SBF2: variants seen among roughly 807,000 people sequenced by gnomAD.
SBF2 encodes the protein SET binding factor 2.
Under a neutral mutation model 225.2 loss-of-function variants are expected in SBF2, and 112 were observed. The ratio of observed to expected loss-of-function variants is 0.50; its 90% CI spans 0.43 to 0.58. The LOEUF is 0.58. Ranked by LOEUF, SBF2 falls within the 20% of genes least tolerant of loss-of-function variation. The pLI is 0.00. For synonymous variants in SBF2, 763 were observed against 773.3 expected, an observed-to-expected ratio of 0.99 and a Z score of 0.22; for missense variants, 1,996 against 2,206.2, an observed-to-expected ratio of 0.90 and a Z score of 1.91.
intron 32 of SBF2, among the ~76,000 whole-genome samples, chr11:9,799,441 AAAAC>A (rs1257515181): frequency 2.0e-5 from 3 of 152,212 alleles, no homozygotes; most frequent in African/African-American, 7.2e-5. Context: ...CTGGGGTTGA[AAAAC>A]AAACCTCCCC....
At chr11:10,298,006 T>C (rs1209887265), upstream of SBF2, among the ~76,000 whole-genome samples, 1 of 152,262 alleles carries the variant, frequency 6.6e-6, no homozygotes, top group Non-Finnish European at 1.5e-5. Context: ...CCAGATTTGT[T>C]TTCCTGAAGG....
intron 2 of SBF2, among the ~76,000 whole-genome samples, chr11:10,130,915 G>A (rs1260349254): frequency 6.6e-6 from 1 of 151,894 alleles, no homozygotes; most frequent in Non-Finnish European, 1.5e-5. Flanking sequence ...TAGTATAGAT[G>A]TACCACAGTT....
chr11:9,862,244 A>G (rs1857812645), intron 17 of SBF2, among the ~76,000 whole-genome samples: 1 of 152,220 alleles, frequency 6.6e-6, no homozygotes, highest in Non-Finnish European at 1.5e-5. Flanking sequence ...GTCAACCACA[A>G]GCAGGGAGCA....
intron 2 of SBF2, among the ~76,000 whole-genome samples, chr11:10,058,232 G>A (rs891616470): frequency 1.4e-4 from 22 of 152,142 alleles, no homozygotes; most frequent in African/African-American, 5.1e-4. Flanking sequence ...GATTCAGGAG[G>A]ATGGCAAAAC....
In SBF2 at chr11:9,839,270, A is replaced by G. The variant is rs945593978; in HGVS notation, c.3455+228T>C. 3 of 542,092 alleles carry G rather than the reference A, an allele frequency of 5.5e-6. No homozygotes were observed. The Admixed American group carries it at 9.3e-5, about 17-fold the overall frequency. The allele number at this position is 542,092 out of a possible 1,614,324, so 33.6% of individuals were successfully genotyped here. A position where few individuals can be genotyped will look rare whatever the true frequency, so the allele number is the denominator to read the frequency against. On this transcript the variant is annotated intron_variant, in intron 26 of 39. Coordinates refer to ENST00000256190, the MANE Select transcript of SBF2 (RefSeq NM_030962.4). ...GGGAAGAGAAAGACAAGAGAAATTC[A>G]TAGGGGGTGAGTACTTTACCTTTCA...
intron 17 of SBF2, among the ~76,000 whole-genome samples, chr11:9,871,668 T>C (rs984467809): frequency 2.3e-4 from 35 of 151,964 alleles, no homozygotes; most frequent in African/African-American, 8.5e-4. Context: ...ATTTATTGTA[T>C]TTTTAGTTGA....
intron 2 of SBF2, among the ~76,000 whole-genome samples, chr11:10,047,328 A>G (rs1356043980): frequency 6.6e-6 from 1 of 152,170 alleles, no homozygotes; most frequent in Admixed American, 6.5e-5. Context: ...AATATTGGAG[A>G]AAAACAGCTG....
chr11:9,998,535 C>T (rs1450350917), intron 8 of SBF2, among the ~76,000 whole-genome samples, 156 bp from the exon 9 acceptor site: 2 of 152,200 alleles, frequency 1.3e-5, no homozygotes, highest in African/African-American at 4.8e-5. Context: ...CAAGTTCCCA[C>T]CTACCCTGTA....
chr11:10,131,892 A>G (rs1954077529), intron 2 of SBF2, among the ~76,000 whole-genome samples: 2 of 152,128 alleles, frequency 1.3e-5, no homozygotes, highest in African/African-American at 4.8e-5. Context: ...TTTTTTATAG[A>G]TCATGTTTCT....
intron 1 of SBF2, among the ~76,000 whole-genome samples, chr11:10,278,336 A>G (rs1381613745): frequency 1.3e-5 from 2 of 152,224 alleles, no homozygotes; most frequent in African/African-American, 4.8e-5. Flanking sequence ...TCGCAATGTA[A>G]ATTATGGTAA....
chr11:9,829,739 A>G, intron 27 of SBF2: 1 of 462,632 alleles, frequency 2.2e-6, no homozygotes, highest in Non-Finnish European at 4.0e-6. Flanking sequence ...GCTTCCAGAA[A>G]GAGCCCAGGT....
At chr11:10,259,060 T>C (rs1479259169) in intron 1 of SBF2, among the ~76,000 whole-genome samples, 3 of 152,196 alleles carry the variant, frequency 2.0e-5, no homozygotes, top group East Asian at 3.8e-4. Flanking sequence ...AGATCTTTAT[T>C]GTACCCTTAT....
chr11:10,173,758 C>T (rs952836122), intron 2 of SBF2, among the ~76,000 whole-genome samples: 2 of 149,732 alleles, frequency 1.3e-5, no homozygotes, highest in African/African-American at 2.5e-5. Context: ...CTTCAATGTC[C>T]CTGTCTGACA....
chr11:9,837,806 C>T (rs758509012), intron 26 of SBF2, among the ~76,000 whole-genome samples: 2 of 151,968 alleles, frequency 1.3e-5, no homozygotes, highest in African/African-American at 2.4e-5. Flanking sequence ...AGCTTGACCT[C>T]GGCTCACTGT....
intron 2 of SBF2, among the ~76,000 whole-genome samples, chr11:10,080,893 T>G (rs377646553): frequency 1.1e-4 from 16 of 152,150 alleles, no homozygotes; most frequent in African/African-American, 3.4e-4. Flanking sequence ...AAGCAATCAA[T>G]TCACCAAGAA....
At position 9,842,843 on chromosome 11, in the gene SBF2, G is replaced by A. The variant is rs1856260069; in HGVS notation, c.3111-73C>T. The stretch of plus-strand genomic sequence containing the variant: ...TACTTGTATTGTTGACACCTACTTA[G>A]CTCAAATTGTTTCTTCTCCTTTCCC... On this transcript the variant is annotated intron_variant, in intron 24 of 39. Transcript: ENST00000256190. 1.5e-5 allele frequency: 22 copies of A among 1,486,068 alleles called. 1 individual carries two copies. The South Asian group carries it at 2.6e-4, about 17-fold the overall frequency. The allele number at this position is 1,486,068 out of a possible 1,614,324, so 92.1% of individuals were successfully genotyped here.
intron 17 of SBF2, among the ~76,000 whole-genome samples, chr11:9,876,197 C>T (rs930755184): frequency 1.3e-5 from 2 of 152,290 alleles, no homozygotes; most frequent in Admixed American, 1.3e-4. Context: ...TCTTTGCTTT[C>T]TCCCTGCCAT....
rs1481018884 is a variant in SBF2, at chr11:9,824,285, G to A, written c.3793+5071C>T. On this transcript the variant is annotated intron_variant, in intron 28 of 39. Coordinates refer to ENST00000256190, the MANE Select transcript of SBF2 (RefSeq NM_030962.4). ...TTGAAAAAGATTGTTAAGGCCGGGT[G>A]CAGTGGCTCACACCTGTAATCCCAG... Among the ~76,000 whole-genome samples, 4 of 152,168 alleles carry A rather than the reference G, an allele frequency of 2.6e-5. No homozygotes were observed. In the East Asian group the frequency reaches 7.7e-4, roughly 29 times the overall value.
At chr11:10,077,940 A>G (rs7926678) in intron 2 of SBF2, among the ~76,000 whole-genome samples, 26,638 of 152,184 alleles carry the variant, frequency 0.18, 2,516 homozygotes, top group East Asian at 0.28. Context: ...CAAATTTACA[A>G]GAAAAAAACA....
Sources: allele counts gnomAD v4.1 joint callset (sites outside exome capture counted in the v4.1 genomes callset), GRCh38; gene constraint gnomAD v4.1.1; transcripts MANE v1.5; gene names NCBI Gene and HGNC (gene_info 2026-07-23, HGNC 2026-07-21).